EEA1: variants seen among roughly 807,000 people sequenced by gnomAD.
EEA1 encodes the protein early endosome antigen 1.
Under a neutral mutation model 209.2 loss-of-function variants are expected in EEA1, and 111 were observed. The observed-to-expected ratio is 0.53, with a 90% CI of 0.45 to 0.62. EEA1 has a LOEUF of 0.62. EEA1 is among the 20% of genes least tolerant of loss of function. The pLI is 0.00. For synonymous variants in EEA1, 536 were observed against 540.6 expected (o/e 0.99, Z 0.12); for missense variants, 1,343 against 1,530.8 (o/e 0.88, Z 2.05).
chr12:92,859,402 T>C, intron 3 of EEA1: 1 of 619,516 alleles, frequency 1.6e-6, no homozygotes, highest in South Asian at 2.0e-5. Flanking sequence ...TTGTAGTCAC[T>C]CTAGTCAATG....
chr12:92,837,659 A>C (rs1404414597), intron 10 of EEA1, among the ~76,000 whole-genome samples: 2 of 152,232 alleles, frequency 1.3e-5, no homozygotes, highest in Non-Finnish European at 2.9e-5. Context: ...ACTAGGAAGA[A>C]AGTTTCTTCA....
chr12:92,885,061 C>T (rs937496227), intron 2 of EEA1, among the ~76,000 whole-genome samples: 5 of 148,090 alleles, frequency 3.4e-5, no homozygotes, highest in Non-Finnish European at 5.9e-5. Flanking sequence ...AAAAAGAATA[C>T]TGTATATAAT....
rs370184346 is a variant in EEA1 at position 92,929,094 on chromosome 12, G to A, written c.-28C>T. On this transcript the variant is annotated 5_prime_UTR_variant, in exon 1 of 29. Transcript: ENST00000322349. ...TTTAACCACCACCCGGCGCCGCCGC[G>A]GTGACTCTCCAGACCCTGCGCGGGG... 293 of 1,584,460 alleles carry A rather than the reference G, an allele frequency of 1.8e-4. No individual in the cohort carries two copies. The African/African-American group carries it at 3.7e-3, about 20-fold the overall frequency.
At chr12:92,801,544 AAT>A in intron 20 of EEA1, 54 bp downstream of exon 20, 1 of 1,138,164 alleles carries the variant, frequency 8.8e-7, no homozygotes, top group Non-Finnish European at 1.2e-6. Context: ...TTTATTTGAA[AAT>A]ATAAAGACCT....
intron 9 of EEA1, among the ~76,000 whole-genome samples, chr12:92,848,346 G>T (rs976600447): frequency 2.6e-5 from 4 of 152,008 alleles, no homozygotes; most frequent in African/African-American, 9.7e-5. Context: ...CATAGAATGG[G>T]TGTGGTGACT....
intron 11 of EEA1, among the ~76,000 whole-genome samples, chr12:92,831,880 T>C (rs1165786798): frequency 6.7e-6 from 1 of 149,518 alleles, no homozygotes; most frequent in Non-Finnish European, 1.5e-5. Context: ...GGTCAGGAGA[T>C]CGAGACCATC....
intron 22 of EEA1, among the ~76,000 whole-genome samples, chr12:92,783,935 GAAAT>G (rs768789237): frequency 1.4e-4 from 22 of 151,990 alleles, no homozygotes; most frequent in African/African-American, 4.6e-4. Context: ...AAAGAAAGAT[GAAAT>G]AAATAAATAA....
In EEA1 at chr12:92,827,832, T is replaced by A. The variant is rs139657360; in HGVS notation, c.1404+80A>T. On this transcript the variant is annotated intron_variant, in intron 12 of 28. Transcript: ENST00000322349. ...CACTTTAAAAAGTCCAATTAAAGCT[T>A]TGACAATTAACAGATTGATGAATCA... 26 of 1,365,566 alleles carry A rather than the reference T, an allele frequency of 1.9e-5. No individual in the cohort carries two copies. In the African/African-American group the frequency reaches 3.4e-4, roughly 18 times the overall value. 84.6% of individuals were successfully genotyped at this position (1,365,566 alleles called of 1,614,324 possible). A position where few individuals can be genotyped will look rare whatever the true frequency, so the allele number is the denominator to read the frequency against.
chr12:92,873,845 G>C (rs945409701), intron 2 of EEA1, among the ~76,000 whole-genome samples: 5 of 152,134 alleles, frequency 3.3e-5, no homozygotes, highest in African/African-American at 1.2e-4. Context: ...AAAACATTCA[G>C]TAAATGTTAG....
At chr12:92,927,626 CT>C (rs1329422160) in intron 1 of EEA1, among the ~76,000 whole-genome samples, 1 of 152,196 alleles carries the variant, frequency 6.6e-6, no homozygotes, top group East Asian at 1.9e-4. Flanking sequence ...CTAATTTTCA[CT>C]TGCAGAACTA....
At chr12:92,793,334 T>G (rs1350853200) in intron 21 of EEA1, among the ~76,000 whole-genome samples, 2 of 152,130 alleles carry the variant, frequency 1.3e-5, no homozygotes, top group Admixed American at 6.5e-5. Context: ...AAACAGGAAG[T>G]CAAATTGTCC....
Position 92,832,666 on chromosome 12 carries a change from A to G in EEA1, c.1100T>C (p.Leu367Pro). The change falls in exon 11 of 29, where the codon CTA (leucine) becomes CCA (proline). Residue 367 changes from leucine to proline, a missense_variant. Around this residue, in one of 3 missense-constraint regions of EEA1, gnomAD observed 1,307 missense variants for 1,465.5 expected, o/e 0.89. Coordinates refer to ENST00000322349, the MANE Select transcript of EEA1 (RefSeq NM_003566.4). Reference sequence around the variant, plus strand: ...TTGAGTAGCTTCTCCTTTTTCACTTAGTTCTACATGTATTCTATGCAGTGA... The same window carrying G: ...TTGAGTAGCTTCTCCTTTTTCACTTGGTTCTACATGTATTCTATGCAGTGA... ...ETSLHRIHVELSEKGEATQKL... is the reference protein window; with the variant it reads ...ETSLHRIHVEPSEKGEATQKL... 6.2e-7 allele frequency: 1 copy of G among 1,613,944 alleles called. No homozygotes were observed. Among genetic ancestry groups the G allele is most frequent in the Non-Finnish European group, 8.5e-7 (1 of 1,179,962 alleles).
chr12:92,787,344 T>A (rs1874178530), intron 22 of EEA1, among the ~76,000 whole-genome samples: 1 of 152,136 alleles, frequency 6.6e-6, no homozygotes, highest in Admixed American at 6.5e-5. Flanking sequence ...TTTAATAAAC[T>A]TGATACTTTA....
At position 92,773,805 on chromosome 12, in the gene EEA1, C is replaced by G. The variant is rs1473281548; in HGVS notation, c.*2206G>C. 6.6e-6 allele frequency: 1 copy of G among 151,340 alleles called. No homozygotes were observed. Among genetic ancestry groups the G allele is most frequent in the Non-Finnish European group, 1.5e-5 (1 of 67,552 alleles). The allele number at this position is 151,340 out of a possible 1,614,324, so 9.4% of individuals were successfully genotyped here. A position where few individuals can be genotyped will look rare whatever the true frequency, so the allele number is the denominator to read the frequency against. ...GGGAGAGTTAGTAGCAAAAAATGTT[C>G]GGTTTCATTTATATTATCAGTATAG... On this transcript the variant is annotated 3_prime_UTR_variant, in exon 29 of 29. Transcript: ENST00000322349.
At chr12:92,884,811 C>A (rs780230310) in intron 2 of EEA1, 13 of 723,780 alleles carry the variant, frequency 1.8e-5, no homozygotes, top group Non-Finnish European at 2.9e-5. Context: ...CAGGGCCTAG[C>A]TGCTACAAAG....
At chr12:92,809,300 C>G (rs1053365427) in intron 17 of EEA1, 144 bp from the exon 18 acceptor site, 1 of 562,684 alleles carries the variant, frequency 1.8e-6, no homozygotes, top group Admixed American at 4.1e-5. Flanking sequence ...ATTCTGAAAC[C>G]ATTACTAAGG....
chr12:92,786,048 G>A (rs959103414), intron 22 of EEA1, among the ~76,000 whole-genome samples: 1 of 152,148 alleles, frequency 6.6e-6, no homozygotes, highest in Non-Finnish European at 1.5e-5. Flanking sequence ...TGGAAAGAGT[G>A]TGATTTCTAT....
At chr12:92,905,695 G>A (rs189649332) in intron 1 of EEA1, 4 of 151,986 alleles carry the variant, frequency 2.6e-5, no homozygotes, top group Admixed American at 1.3e-4. Flanking sequence ...GTATAAAACC[G>A]CATTAATCTC....
chr12:92,819,258 T>TA (rs750366686), intron 14 of EEA1, 50 bp downstream of exon 14: 2 of 1,437,126 alleles, frequency 1.4e-6, no homozygotes, highest in East Asian at 2.4e-5. Context: ...TAGTAAGACT[T>TA]AGAGAGACAG....
Sources: allele counts gnomAD v4.1 joint callset (sites outside exome capture counted in the v4.1 genomes callset), GRCh38; gene constraint gnomAD v4.1.1; regional missense constraint gnomAD v4.1.1; transcripts MANE v1.5; gene names NCBI Gene and HGNC (gene_info 2026-07-23, HGNC 2026-07-21).